The following DKC1 variants were observed in gnomAD, a reference collection of about 807,000 sequenced individuals.
DKC1 encodes the protein dyskerin pseudouridine synthase 1.
Under a neutral mutation model 46.7 loss-of-function variants are expected in DKC1, and 4 were observed. That is an observed-to-expected ratio of 0.09 (90% CI 0.04 to 0.20). The LOEUF is 0.20. Ranked by LOEUF, DKC1 falls within the 10% of genes least tolerant of loss-of-function variation. The probability of loss-of-function intolerance (pLI) is 1.00; values close to 1 mark genes in which losing one functional copy is unlikely to be tolerated. For synonymous variants in DKC1, 141 were observed against 142.4 expected, an observed-to-expected ratio of 0.99 and a Z score of 0.07; for missense variants, 171 against 404.2, an observed-to-expected ratio of 0.42 and a Z score of 4.95.
At position 154,764,508 on chromosome X, in the gene DKC1, A is replaced by G. The variant is rs782563975; in HGVS notation, c.17-391A>G. 1.7e-4 allele frequency among the ~76,000 whole-genome samples: 19 copies of G among 112,137 alleles called. 1 individual carries two copies. The South Asian group carries it at 6.9e-3, about 41-fold the overall frequency. ...CGACTGTTGTAATAATACTTAGCTT[A>G]AAACAAACACATTATTTAGCTGTAC... On this transcript the variant is annotated intron_variant, in intron 1 of 14. Transcript: ENST00000369550.
intron 10 of DKC1, among the ~76,000 whole-genome samples, chrX:154,772,776 G>C (rs1249120990): frequency 2.7e-5 from 3 of 112,110 alleles, no homozygotes; most frequent in African/African-American, 9.7e-5. Context: ...AGGCAGCCAC[G>C]GCTTATGGAC....
At chrX:154,769,127 C>G (rs782388131) in intron 8 of DKC1, 40 bp from the exon 9 acceptor site, 33 of 1,168,430 alleles carry the variant, frequency 2.8e-5, no homozygotes, top group Non-Finnish European at 3.7e-5. Context: ...GGCTGAGATA[C>G]AAATAAACTG....
rs1557264657 is a variant in DKC1, at chrX:154,769,319, C to T, written c.915+9C>T. 4 of 1,207,469 alleles carry T rather than the reference C, an allele frequency of 3.3e-6. No individual in the cohort carries two copies. Among genetic ancestry groups the T allele is most frequent in the South Asian group, 1.8e-5 (1 of 56,801 alleles). On this transcript the variant is annotated intron_variant, in intron 9 of 14. Coordinates refer to ENST00000369550, the MANE Select transcript of DKC1 (RefSeq NM_001363.5). ...TTATGAAAGACAGTGCAGTAAGTTC[C>T]GGGTTAGGAGTTTATATTTGGAAAG...
chrX:154,764,643 A>G (rs377302481), intron 1 of DKC1, among the ~76,000 whole-genome samples: 1 of 110,685 alleles, frequency 9.0e-6, no homozygotes, highest in South Asian at 3.8e-4. Flanking sequence ...AACACAGCAC[A>G]CACAGTAGCC....
chrX:154,768,152 A>C, intron 7 of DKC1, 150 bp from the exon 8 acceptor site: 1 of 790,317 alleles, frequency 1.3e-6, no homozygotes, highest in Middle Eastern at 4.3e-4. Flanking sequence ...GCCTGGCCAG[A>C]ATTACAGATC....
At chrX:154,775,806 C>G (rs1237161115) in intron 13 of DKC1, among the ~76,000 whole-genome samples, 3 of 112,148 alleles carry the variant, frequency 2.7e-5, no homozygotes, top group African/African-American at 9.7e-5. Context: ...ACTCAGAAAC[C>G]GGGGGCGGTA....
intron 10 of DKC1, among the ~76,000 whole-genome samples, chrX:154,772,621 T>G (rs987336738): frequency 4.4e-5 from 5 of 112,545 alleles, no homozygotes; most frequent in African/African-American, 1.6e-4. Context: ...TTGTGAAAGC[T>G]TAGCTACTGT....
rs2071843703 is a variant in DKC1, at chrX:154,773,072, C to T, written c.1037-59C>T. 4 of 814,349 alleles carry T rather than the reference C, an allele frequency of 4.9e-6. No individual in the cohort carries two copies. In the Admixed American group the frequency reaches 6.7e-5, roughly 14 times the overall value. The allele number at this position is 814,349 out of a possible 1,213,427, so 67.1% of individuals were successfully genotyped here. A position where few individuals can be genotyped will look rare whatever the true frequency, so the allele number is the denominator to read the frequency against. ...GGCATACAACAGTAGAATTGGGGCT[C>T]ATCAATTATCAATTCTTTCACCCTT... On this transcript the variant is annotated intron_variant, in intron 10 of 14. Coordinates refer to ENST00000369550, the MANE Select transcript of DKC1 (RefSeq NM_001363.5).
intron 10 of DKC1, among the ~76,000 whole-genome samples, 165 bp from the exon 11 acceptor site, chrX:154,772,962 AATGG>A (rs1269050401): frequency 2.7e-5 from 3 of 112,021 alleles, no homozygotes; most frequent in Non-Finnish European, 5.6e-5. Flanking sequence ...TCCTTCTCAT[AATGG>A]AGTATTTCCT....
intron 10 of DKC1, among the ~76,000 whole-genome samples, chrX:154,772,464 G>C (rs2071836880): frequency 8.9e-6 from 1 of 112,217 alleles, no homozygotes; most frequent in African/African-American, 3.2e-5. Context: ...TTTTATGCCA[G>C]TACCATACTG....
At chrX:154,773,924 C>CG (rs1159009042) in intron 11 of DKC1, among the ~76,000 whole-genome samples, 3 of 107,569 alleles carry the variant, frequency 2.8e-5, no homozygotes, top group African/African-American at 1.1e-4. Flanking sequence ...GCTGGCCGGG[C>CG]GGGGGGGCTG....
chrX:154,765,649 T>TA, intron 3 of DKC1, 119 bp downstream of exon 3: 2 of 664,811 alleles, frequency 3.0e-6, no homozygotes, highest in South Asian at 2.2e-5. Context: ...TGCCCACTGA[T>TA]ACAGTTTAAA....
Position 154,770,816 on chromosome X carries a change from G to A in DKC1, c.973G>A (p.Asp325Asn), listed in dbSNP as rs782055736. 1.7e-6 allele frequency: 2 copies of A among 1,211,343 alleles called. No individual in the cohort carries two copies. Among genetic ancestry groups the A allele is most frequent in the South Asian group, 1.8e-5 (1 of 56,996 alleles). ...GCTTCCAGGTGTTCTTCGATATGAG[G>A]ACGGCATTGAGGTCAATCAGGAGAT... ...IMLPGVLRYE[D>N]GIEVNQEIVV... Residue 325 changes from aspartate to asparagine, a missense_variant, in exon 10 of 15, where the codon GAC becomes AAC. Coordinates refer to ENST00000369550, the MANE Select transcript of DKC1 (RefSeq NM_001363.5).
At chrX:154,776,550 C>T (rs926094435) in intron 14 of DKC1, among the ~76,000 whole-genome samples, 3 of 111,775 alleles carry the variant, frequency 2.7e-5, no homozygotes, top group Middle Eastern at 4.6e-3. Context: ...ACTTAGAGCT[C>T]TATTGATGGT....
Position 154,775,430 on chromosome X carries a change from G to C in DKC1, c.1338+157G>C, listed in dbSNP as rs1220917228. 4.4e-5 allele frequency: 25 copies of C among 565,306 alleles called. No homozygotes were observed. In the Admixed American group the frequency reaches 6.7e-4, roughly 15 times the overall value. The allele number at this position is 565,306 out of a possible 1,213,427, so 46.6% of individuals were successfully genotyped here. A position where few individuals can be genotyped will look rare whatever the true frequency, so the allele number is the denominator to read the frequency against. On this transcript the variant is annotated intron_variant, in intron 13 of 14. Transcript: ENST00000369550. ...CAGGTAATGCTGCCTCATACCCTGG[G>C]GTGCTTGTTTGGGCTCTGCAGGCTC...
At chrX:154,767,086 C>A (rs1557264263) in intron 6 of DKC1, 25 bp downstream of exon 6, 1 of 1,198,974 alleles carries the variant, frequency 8.3e-7, no homozygotes, top group Admixed American at 2.2e-5. Flanking sequence ...GTAGGGAGGA[C>A]ACCCTTTGTT....
At chrX:154,770,295 C>T (rs996264359) in intron 9 of DKC1, among the ~76,000 whole-genome samples, 1 of 108,553 alleles carries the variant, frequency 9.2e-6, no homozygotes, top group African/African-American at 3.4e-5. Context: ...ATGGTGAAAC[C>T]CTGTCTCTAT....
chrX:154,773,092 A>G (rs1158361621), intron 10 of DKC1, 39 bp from the exon 11 acceptor site: 1 of 949,447 alleles, frequency 1.1e-6, no homozygotes, highest in Non-Finnish European at 1.5e-6. Flanking sequence ...CAATTCTTTC[A>G]CCCTTCAAAT....
intron 13 of DKC1, 137 bp from the exon 14 acceptor site, chrX:154,776,050 C>A: frequency 1.3e-6 from 1 of 786,720 alleles, no homozygotes; most frequent in Non-Finnish European, 1.9e-6. Flanking sequence ...AAGGCCCTGT[C>A]CGGGTTTGTA....
Sources: allele counts gnomAD v4.1 joint callset (sites outside exome capture counted in the v4.1 genomes callset), GRCh38; gene constraint gnomAD v4.1.1; transcripts MANE v1.5; gene names NCBI Gene and HGNC (gene_info 2026-07-23, HGNC 2026-07-21).